The following PRKCA variants were observed in gnomAD, a reference collection of about 807,000 sequenced individuals.
PRKCA encodes the protein protein kinase C alpha type.
Under a neutral mutation model 87.0 loss-of-function variants are expected in PRKCA, and 27 were observed. That is an observed-to-expected ratio of 0.31 (90% CI 0.23 to 0.43). PRKCA has a LOEUF of 0.43. PRKCA is among the 20% of genes least tolerant of loss of function. The pLI, the probability that PRKCA is intolerant of heterozygous loss-of-function variation, is 1.00. For missense variants in PRKCA, 518 were observed against 852.3 expected, an observed-to-expected ratio of 0.61 and a Z score of 4.88; for synonymous variants, 329 against 311.1, an observed-to-expected ratio of 1.06 and a Z score of -0.61.
At chr17:66,498,286 T>C (rs1428242537) in intron 3 of PRKCA, among the ~76,000 whole-genome samples, 1 of 152,214 alleles carries the variant, frequency 6.6e-6, no homozygotes, top group Non-Finnish European at 1.5e-5. Flanking sequence ...ATTGCACTTG[T>C]TTGGAGTTGT....
chr17:66,793,183 C>T (rs1468779861), intron 16 of PRKCA, among the ~76,000 whole-genome samples: 1 of 152,148 alleles, frequency 6.6e-6, no homozygotes, highest in Non-Finnish European at 1.5e-5. Context: ...CTCTGCTCCC[C>T]GGACATGAGG....
intron 2 of PRKCA, among the ~76,000 whole-genome samples, chr17:66,354,730 C>T (rs1157479899): frequency 6.6e-6 from 1 of 152,134 alleles, no homozygotes; most frequent in Non-Finnish European, 1.5e-5. Context: ...AGCCGAGAAG[C>T]AGCAGGATAA....
At chr17:66,484,805 T>C (rs1171284761) in intron 2 of PRKCA, among the ~76,000 whole-genome samples, 2 of 152,228 alleles carry the variant, frequency 1.3e-5, no homozygotes, top group African/African-American at 2.4e-5. Flanking sequence ...TGGAGTCTTA[T>C]TAAGGAATTG....
At chr17:66,751,745 G>C (rs776366547) in intron 13 of PRKCA, among the ~76,000 whole-genome samples, 3 of 152,180 alleles carry the variant, frequency 2.0e-5, no homozygotes, top group East Asian at 1.9e-4. Flanking sequence ...CTCAGAGGGA[G>C]AGACCAGGGA....
chr17:66,673,377 A>G (rs1396612844), intron 5 of PRKCA, among the ~76,000 whole-genome samples: 1 of 152,240 alleles, frequency 6.6e-6, no homozygotes, highest in East Asian at 1.9e-4. Flanking sequence ...CCTCACCAGC[A>G]AAATAGAATA....
At chr17:66,784,132 G>C (rs760383670) in intron 14 of PRKCA, among the ~76,000 whole-genome samples, 40 of 152,348 alleles carry the variant, frequency 2.6e-4, no homozygotes, top group Non-Finnish European at 5.0e-4. Flanking sequence ...CCTGGAAGCA[G>C]AGCCTCTGCC....
intron 3 of PRKCA, among the ~76,000 whole-genome samples, chr17:66,602,112 C>CG (rs1970057387): frequency 2.0e-4 from 1 of 4,910 alleles, no homozygotes; most frequent in Admixed American, 1.7e-3. Flanking sequence ...TCGAGCTTCC[C>CG]GGCTGCTTTG....
intron 16 of PRKCA, among the ~76,000 whole-genome samples, chr17:66,793,747 G>C (rs1287786053): frequency 6.6e-6 from 1 of 152,160 alleles, no homozygotes; most frequent in Non-Finnish European, 1.5e-5. Flanking sequence ...TCAGGTGAGC[G>C]TGGAGGCACT....
intron 3 of PRKCA, among the ~76,000 whole-genome samples, chr17:66,560,426 T>A (rs1053303634): frequency 6.6e-6 from 1 of 152,200 alleles, no homozygotes; most frequent in Non-Finnish European, 1.5e-5. Context: ...ATTGTCTGTG[T>A]TTTGAGCCCA....
At chr17:66,610,543 A>G (rs1213017747) in intron 3 of PRKCA, among the ~76,000 whole-genome samples, 2 of 152,178 alleles carry the variant, frequency 1.3e-5, no homozygotes, top group Non-Finnish European at 1.5e-5. Flanking sequence ...AGACACTCCC[A>G]TCACCCAGGA....
chr17:66,720,073 G>A (rs1054122530), intron 8 of PRKCA, among the ~76,000 whole-genome samples: 1 of 152,222 alleles, frequency 6.6e-6, no homozygotes. Flanking sequence ...TCATCCCAGT[G>A]GCCGAAGAAA....
chr17:66,649,255 A>G (rs1435870943), intron 5 of PRKCA, among the ~76,000 whole-genome samples: 1 of 152,246 alleles, frequency 6.6e-6, no homozygotes, highest in Non-Finnish European at 1.5e-5. Flanking sequence ...AGTGCTTGCC[A>G]ATGATGGGTG....
rs539549232 is a variant in PRKCA at position 66,495,688 on chromosome 17, G to T, written c.206-513G>T. ...CTGCCTCAACCTCCTGAGTAGCTGG[G>T]ATTACAGGCGCCCATCACTATGGCC... On this transcript the variant is annotated intron_variant, in intron 2 of 16. Coordinates refer to ENST00000413366, the MANE Select transcript of PRKCA (RefSeq NM_002737.3). Among the ~76,000 whole-genome samples the T allele has an allele frequency of 1.2e-4, 18 of 151,976 alleles. No homozygotes were observed. In the South Asian group the frequency reaches 3.8e-3, roughly 32 times the overall value.
intron 3 of PRKCA, among the ~76,000 whole-genome samples, chr17:66,548,608 G>C (rs1215150765): frequency 6.6e-6 from 1 of 151,982 alleles, no homozygotes; most frequent in Non-Finnish European, 1.5e-5. Context: ...CCAATCCCTG[G>C]AACCTGTAAA....
intron 2 of PRKCA, among the ~76,000 whole-genome samples, chr17:66,401,827 CT>C (rs1372730266): frequency 1.6e-4 from 25 of 152,174 alleles, no homozygotes; most frequent in African/African-American, 4.8e-4. Context: ...AGAATAGACA[CT>C]GAGGGTGGAC....
chr17:66,336,791 T>TGTG (rs2143323050), intron 2 of PRKCA, among the ~76,000 whole-genome samples: 1 of 140,216 alleles, frequency 7.1e-6, no homozygotes, highest in East Asian at 2.1e-4. Context: ...TGTGTGTGTG[T>TGTG]GTGTGTGTGT....
intron 2 of PRKCA, among the ~76,000 whole-genome samples, chr17:66,323,096 G>C (rs1242999479): frequency 6.6e-6 from 1 of 152,162 alleles, no homozygotes; most frequent in Non-Finnish European, 1.5e-5. Flanking sequence ...AATTGCAAAT[G>C]TCCTTAAATC....
At chr17:66,791,031 G>A (rs1260158827) in intron 16 of PRKCA, among the ~76,000 whole-genome samples, 1 of 151,060 alleles carries the variant, frequency 6.6e-6, no homozygotes, top group Non-Finnish European at 1.5e-5. Context: ...AAGTTGTAGG[G>A]TACATGTGCA....
In PRKCA at chr17:66,302,809, G is replaced by T. The variant is rs571136520; in HGVS notation, c.-43G>T. On this transcript the variant is annotated 5_prime_UTR_variant, in exon 1 of 17. Coordinates refer to ENST00000413366, the MANE Select transcript of PRKCA (RefSeq NM_002737.3). The stretch of plus-strand genomic sequence containing the variant: ...GCCCCCGCCCACCCGGCCCTCCGCG[G>T]CCGCAGCTCCCCGGCGGAGGCAAGA... The T allele has an allele frequency of 2.1e-6, 3 of 1,461,074 alleles. No individual in the cohort carries two copies. The African/African-American group carries it at 4.4e-5, about 22-fold the overall frequency. 90.5% of individuals were successfully genotyped at this position (1,461,074 alleles called of 1,614,324 possible). A position where few individuals can be genotyped will look rare whatever the true frequency, so the allele number is the denominator to read the frequency against.
Sources: gnomAD v4.1 joint callset for allele counts (sites outside exome capture counted in the v4.1 genomes callset) on GRCh38, gnomAD v4.1.1 for gene constraint, MANE v1.5 for transcripts, NCBI Gene and HGNC (gene_info 2026-07-23, HGNC 2026-07-21) for gene names.